The following TMEM79 variants were observed in gnomAD, a reference collection of about 807,000 sequenced individuals.
The protein encoded by TMEM79 is mattrin.
A neutral mutation model predicts 31.2 loss-of-function variants in TMEM79; 30 were observed. The ratio of observed to expected loss-of-function variants is 0.96; its 90% CI spans 0.72 to 1.30. The LOEUF is 1.30. TMEM79 is among the 50% of genes most tolerant of loss of function. The pLI is 0.00. For synonymous variants in TMEM79, 213 were observed against 229.5 expected (o/e 0.93, Z 0.65); for missense variants, 509 against 528.2 (o/e 0.96, Z 0.36).
intron 3 of TMEM79, among the ~76,000 whole-genome samples, chr1:156,288,046 C>G (rs1663217021): frequency 6.6e-6 from 1 of 151,726 alleles, no homozygotes; most frequent in Non-Finnish European, 1.5e-5. Flanking sequence ...AACCCCGTCT[C>G]TATTAAAAAT....
rs1663118813 is a variant in TMEM79 at position 156,285,341 on chromosome 1, G to A, written c.115G>A (p.Ala39Thr). 7 of 1,572,542 alleles carry A rather than the reference G, an allele frequency of 4.5e-6. No homozygotes were observed. Among genetic ancestry groups the A allele is most frequent in the Non-Finnish European group, 6.0e-6 (7 of 1,161,496 alleles). The change falls in exon 2 of 4, where the codon GCC (alanine) becomes ACC (threonine). Residue 39 changes from alanine to threonine, a missense_variant. Physicochemically the swap from Ala to Thr is moderately conservative, Grantham distance 58. Transcript: ENST00000405535. Reference protein sequence around the residue: ...NGRQPEGEGGAESPGAESLRV... With the variant: ...NGRQPEGEGGTESPGAESLRV... ...CCGGCAGCCAGAAGGGGAAGGTGGG[G>A]CCGAATCCCCGGGAGCTGAGTCCCT...
intron 3 of TMEM79, among the ~76,000 whole-genome samples, chr1:156,288,357 A>G (rs934398313): frequency 4.4e-5 from 6 of 135,350 alleles, no homozygotes; most frequent in African/African-American, 1.7e-4. Context: ...TTTTTTTGAG[A>G]TGGTGTCTTA....
In TMEM79 at chr1:156,291,577, C is replaced by T. The variant is rs758509333; in HGVS notation, c.1164C>T (p.Tyr388=). Residue 388 remains tyrosine (Y), a synonymous_variant, in exon 4 of 4, where the codon TAC becomes TAT. Transcript: ENST00000405535. Reference sequence around the variant, plus strand: ...ACCACGCCCGCTCGGCCTCCGACTACAGGCCCCGCCCCTGGGGCTGAGCCT... The same window carrying T: ...ACCACGCCCGCTCGGCCTCCGACTATAGGCCCCGCCCCTGGGGCTGAGCCT... ...YPDHARSASD[Y]RPRPWG 45 of 1,611,292 alleles carry T rather than the reference C, an allele frequency of 2.8e-5. No homozygotes were observed. The highest frequency in any genetic ancestry group is 1.2e-5 in the Non-Finnish European group (14 of 1,179,934).
intron 3 of TMEM79, 24 bp downstream of exon 3, chr1:156,286,497 C>A (rs1310541187): frequency 6.2e-7 from 1 of 1,609,842 alleles, no homozygotes; most frequent in African/African-American, 1.3e-5. Flanking sequence ...GAGGGTGGGG[C>A]ATGGGAGAGG....
rs1663316750 is a variant in TMEM79, at chr1:156,291,233, T to G, written c.972-152T>G. ...AATTAGCGCTGTGCCTAATACATGT[T>G]AAGTGCATAAACTTTGGCTGTATTT... On this transcript the variant is annotated intron_variant, in intron 3 of 3. Coordinates refer to ENST00000405535, the MANE Select transcript of TMEM79 (RefSeq NM_032323.3). The G allele has an allele frequency of 1.1e-5, 7 of 635,894 alleles. No homozygotes were observed. The East Asian group carries it at 1.9e-4, about 17-fold the overall frequency. The allele number at this position is 635,894 out of a possible 1,614,324, so 39.4% of individuals were successfully genotyped here. A position where few individuals can be genotyped will look rare whatever the true frequency, so the allele number is the denominator to read the frequency against.
chr1:156,288,088 G>A (rs1418024806), intron 3 of TMEM79, among the ~76,000 whole-genome samples: 4 of 151,230 alleles, frequency 2.6e-5, no homozygotes, highest in Admixed American at 1.3e-4. Flanking sequence ...GGTGGCGAGC[G>A]CCTACAGTCC....
Position 156,291,631 on chromosome 1 carries a change from A to G in TMEM79, c.*33A>G, listed in dbSNP as rs747080678. On this transcript the variant is annotated 3_prime_UTR_variant, in exon 4 of 4. Coordinates refer to ENST00000405535, the MANE Select transcript of TMEM79 (RefSeq NM_032323.3). The stretch of plus-strand genomic sequence containing the variant: ...CGCCCTCGCCCTCGGAGTAGGGGGT[A>G]GCGGCTTGGGTCTGACACATCTTTG... 15 of 1,599,934 alleles carry G rather than the reference A, an allele frequency of 9.4e-6. 1 individual carries two copies. The South Asian group carries it at 1.7e-4, about 18-fold the overall frequency.
At position 156,285,312 on chromosome 1, in the gene TMEM79, A is replaced by G. The variant is rs369658490; in HGVS notation, c.86A>G (p.Asn29Ser). ...EKSSPQALVPNGRQPEGEGGA... is the reference protein window; with the variant it reads ...EKSSPQALVPSGRQPEGEGGA... Reference sequence around the variant, plus strand: ...AGCTCACCCCAGGCCTTGGTTCCCAATGGCCGGCAGCCAGAAGGGGAAGGT... The same window carrying G: ...AGCTCACCCCAGGCCTTGGTTCCCAGTGGCCGGCAGCCAGAAGGGGAAGGT... Residue 29 changes from asparagine to serine, a missense_variant, in exon 2 of 4, where the codon AAT becomes AGT. By Grantham distance (46) the Asn-to-Ser change is conservative (BLOSUM62 1). Transcript: ENST00000405535. The G allele has an allele frequency of 1.9e-6, 3 of 1,575,786 alleles. No individual in the cohort carries two copies. The highest frequency in any genetic ancestry group is 1.9e-5 in the Admixed American group (1 of 53,014).
rs1187626583 is a variant in TMEM79, at chr1:156,285,870, T to C, written c.644T>C (p.Leu215Pro). The C allele has an allele frequency of 6.2e-7, 1 of 1,613,778 alleles. No individual in the cohort carries two copies. Among genetic ancestry groups the C allele is most frequent in the African/African-American group, 1.3e-5 (1 of 74,934 alleles). The part of the protein sequence containing the change: ...GAALILFPCL[L>P]YGAYAFLPFD... The stretch of plus-strand genomic sequence containing the variant: ...GCACTCATTCTCTTCCCTTGCCTAC[T>C]ATACGGGGCATATGCCTTCCTGCCG... Residue 215 changes from leucine (L) to proline (P), a missense_variant, in exon 2 of 4, where the codon CTA (leucine) becomes CCA (proline). Transcript: ENST00000405535.
rs772493348 is a variant in TMEM79, at chr1:156,285,527, C to A, written c.301C>A (p.Pro101Thr). 3.1e-6 allele frequency: 5 copies of A among 1,614,084 alleles called. No individual in the cohort carries two copies. The highest frequency in any genetic ancestry group is 2.7e-5 in the African/African-American group (2 of 74,948). Reference protein sequence around the residue: ...PPGWRDIEPEPPESEPLTKLE... With the variant: ...PPGWRDIEPETPESEPLTKLE... ...TGGCTGGCGGGACATTGAACCAGAG[C>A]CCCCTGAGTCAGAACCACTTACCAA... The change falls in exon 2 of 4, where the codon CCC (proline) becomes ACC (threonine). Residue 101 changes from proline to threonine, a missense_variant. Transcript: ENST00000405535.
chr1:156,290,841 A>T (rs937328915), intron 3 of TMEM79: 3 of 150,784 alleles, frequency 2.0e-5, no homozygotes, highest in Non-Finnish European at 4.4e-5. Context: ...AAATAAAAAA[A>T]TAATAATAAT....
Position 156,286,323 on chromosome 1 carries a change from G to A in TMEM79, c.821G>A (p.Arg274Gln), listed in dbSNP as rs771118509. The A allele has an allele frequency of 3.7e-6, 6 of 1,614,206 alleles. No homozygotes were observed. The highest frequency in any genetic ancestry group is 2.2e-5 in the East Asian group (1 of 44,886). ...FSALRPFGEP[R>Q]REVEIHRRYV... The stretch of plus-strand genomic sequence containing the variant: ...GCCCTTCGGCCCTTTGGGGAGCCAC[G>A]GCGGGAGGTGGAGATCCACCGGCGA... The change falls in exon 3 of 4, where the codon CGG becomes CAG. Residue 274 changes from arginine to glutamine, a missense_variant. Coordinates refer to ENST00000405535, the MANE Select transcript of TMEM79 (RefSeq NM_032323.3).
chr1:156,288,798 A>G (rs752016880), intron 3 of TMEM79, among the ~76,000 whole-genome samples: 1 of 152,158 alleles, frequency 6.6e-6, no homozygotes, highest in Non-Finnish European at 1.5e-5. Flanking sequence ...TTTTCTCCCA[A>G]TAGGTTTTCC....
In TMEM79 at chr1:156,285,470, C is replaced by T; in HGVS notation, c.244C>T (p.Pro82Ser). The change falls in exon 2 of 4, where the codon CCT becomes TCT. Residue 82 changes from proline (P) to serine (S), a missense_variant. Coordinates refer to ENST00000405535, the MANE Select transcript of TMEM79 (RefSeq NM_032323.3). ...EAATLPWGTG[P>S]QPSAPFPDPP... is the part of the protein sequence containing the mutation. The stretch of plus-strand genomic sequence containing the variant: ...TGCCACCTTGCCCTGGGGGACTGGC[C>T]CTCAGCCCAGTGCTCCGTTCCCGGA... The T allele has an allele frequency of 6.2e-7, 1 of 1,614,068 alleles. No individual in the cohort carries two copies. The highest frequency in any genetic ancestry group is 8.5e-7 in the Non-Finnish European group (1 of 1,180,014).
At position 156,291,952 on chromosome 1, in the gene TMEM79, C is replaced by G. The variant is rs978136276; in HGVS notation, c.*354C>G. The G allele has an allele frequency of 1.9e-6, 1 of 517,570 alleles. No individual in the cohort carries two copies. Among genetic ancestry groups the G allele is most frequent in the East Asian group, 3.0e-5 (1 of 33,104 alleles). 32.1% of individuals were successfully genotyped at this position (517,570 alleles called of 1,614,324 possible). A position where few individuals can be genotyped will look rare whatever the true frequency, so the allele number is the denominator to read the frequency against. On this transcript the variant is annotated 3_prime_UTR_variant, in exon 4 of 4. Coordinates refer to ENST00000405535, the MANE Select transcript of TMEM79 (RefSeq NM_032323.3). ...CCACAAGGCTCCCTAATGCTGGTCTCTGCTCCACTCCCCGGCTTCCCGTGA... is the reference window on the plus strand; with the variant it reads ...CCACAAGGCTCCCTAATGCTGGTCTGTGCTCCACTCCCCGGCTTCCCGTGA...
intron 3 of TMEM79, among the ~76,000 whole-genome samples, chr1:156,289,450 TA>T (rs1349403249): frequency 6.6e-6 from 1 of 152,010 alleles, no homozygotes; most frequent in Admixed American, 6.6e-5. Flanking sequence ...CTACTAAAAA[TA>T]AAAATAAAAA....
rs1344301626 is a variant in TMEM79 at position 156,291,424 on chromosome 1, C to T, written c.1011C>T (p.Phe337=). 2 of 1,614,012 alleles carry T rather than the reference C, an allele frequency of 1.2e-6. No homozygotes were observed. Among genetic ancestry groups the T allele is most frequent in the African/African-American group, 1.3e-5 (1 of 74,920 alleles). The part of the protein sequence containing the change: ...YWLTFAVGRS[F]RGFGYGLTFL... ...TGACCTTTGCCGTGGGCCGCTCCTT[C>T]CGAGGCTTCGGCTACGGCCTGACGT... The change falls in exon 4 of 4, where the codon TTC becomes TTT. Residue 337 remains phenylalanine, a synonymous_variant. Coordinates refer to ENST00000405535, the MANE Select transcript of TMEM79 (RefSeq NM_032323.3).
chr1:156,291,698 C>A lies in TMEM79; in HGVS notation c.*100C>A. On this transcript the variant is annotated 3_prime_UTR_variant, in exon 4 of 4. Coordinates refer to ENST00000405535, the MANE Select transcript of TMEM79 (RefSeq NM_032323.3). ...CTGGACTTCGCCCCCAGGCCTAGGACCGCGGTGGGTGGAACCCTGCTACTG... is the reference window on the plus strand; with the variant it reads ...CTGGACTTCGCCCCCAGGCCTAGGAACGCGGTGGGTGGAACCCTGCTACTG... The A allele has an allele frequency of 9.0e-7, 1 of 1,112,006 alleles. No homozygotes were observed. 68.9% of individuals were successfully genotyped at this position (1,112,006 alleles called of 1,614,324 possible). A position where few individuals can be genotyped will look rare whatever the true frequency, so the allele number is the denominator to read the frequency against.
chr1:156,291,686 C>A lies in TMEM79; in HGVS notation c.*88C>A. On this transcript the variant is annotated 3_prime_UTR_variant, in exon 4 of 4. Transcript: ENST00000405535. ...TTGTGGCCAGGCCTGGACTTCGCCC[C>A]CAGGCCTAGGACCGCGGTGGGTGGA... 1.5e-6 allele frequency: 2 copies of A among 1,316,472 alleles called. No homozygotes were observed. The highest frequency in any genetic ancestry group is 2.2e-6 in the Non-Finnish European group (2 of 922,836). 81.5% of individuals were successfully genotyped at this position (1,316,472 alleles called of 1,614,324 possible).
Sources: gnomAD v4.1 joint callset for allele counts (sites outside exome capture counted in the v4.1 genomes callset) on GRCh38, gnomAD v4.1.1 for gene constraint, MANE v1.5 for transcripts, NCBI Gene and HGNC (gene_info 2026-07-23, HGNC 2026-07-21) for gene names.